Variants in RGS6 observed in about 807,000 individuals in gnomAD.
RGS6 encodes regulator of G protein signaling 6.
Under a neutral mutation model 78.5 loss-of-function variants are expected in RGS6, and 30 were observed. That is an observed-to-expected ratio of 0.38 (90% CI 0.29 to 0.52). The LOEUF (loss-of-function observed/expected upper bound fraction) is 0.52, where lower values mean the gene tolerates loss of function less well. Ranked by LOEUF, RGS6 falls within the 20% of genes least tolerant of loss-of-function variation. RGS6 has a pLI of 0.85. For missense variants in RGS6, 495 were observed against 609.7 expected, an observed-to-expected ratio of 0.81 and a Z score of 1.98; for synonymous variants, 206 against 206.0, an observed-to-expected ratio of 1.00 and a Z score of 0.00.
intron 1 of RGS6, among the ~76,000 whole-genome samples, chr14:71,954,648 C>T (rs900905204): frequency 7.2e-5 from 11 of 152,176 alleles, no homozygotes; most frequent in African/African-American, 2.2e-4. Flanking sequence ...TAGTCACCCT[C>T]TTGTGCTATC....
At position 72,313,725 on chromosome 14, in the gene RGS6, A is replaced by G. The variant is rs573248724; in HGVS notation, c.85-38370A>G. Among the ~76,000 whole-genome samples, 6 of 152,310 alleles carry G rather than the reference A, an allele frequency of 3.9e-5. No homozygotes were observed. In the East Asian group the frequency reaches 5.8e-4, roughly 15 times the overall value. ...AACTAACAGCATCATGATACATACA[A>G]AGGGGCTATGGTGTATGTGTGGCAG... On this transcript the variant is annotated intron_variant, in intron 2 of 17. Coordinates refer to ENST00000553525, the MANE Select transcript of RGS6 (RefSeq NM_001204424.2).
intron 2 of RGS6, among the ~76,000 whole-genome samples, chr14:72,051,363 G>T (rs2093228860): frequency 6.6e-6 from 1 of 152,058 alleles, no homozygotes; most frequent in South Asian, 2.1e-4. Context: ...AATGGTAGGG[G>T]TTAGAATCCA....
the RGS6 span, among the ~76,000 whole-genome samples, chr14:71,905,000 T>C: frequency 9.0e-6 from 1 of 111,064 alleles, no homozygotes; most frequent in Admixed American, 8.5e-5. Context: ...CTGGGCCACA[T>C]ACCACAAGGG....
At chr14:72,135,607 G>A (rs2096420650) in intron 2 of RGS6, among the ~76,000 whole-genome samples, 1 of 151,518 alleles carries the variant, frequency 6.6e-6, no homozygotes, top group African/African-American at 2.4e-5. Flanking sequence ...ATTCTGAGTA[G>A]CCTAATATTC....
chr14:72,199,615 G>T (rs2041016179), intron 2 of RGS6, among the ~76,000 whole-genome samples: 1 of 152,196 alleles, frequency 6.6e-6, no homozygotes, highest in Admixed American at 6.5e-5. Context: ...TACTTGGGAG[G>T]AACTTGGTGT....
At chr14:71,936,821 C>A (rs1316844260) in intron 1 of RGS6, among the ~76,000 whole-genome samples, 1 of 152,222 alleles carries the variant, frequency 6.6e-6, no homozygotes, top group Admixed American at 6.5e-5. Context: ...ATACTCTTGA[C>A]AATTACAGTC....
chr14:71,948,740 C>CTTTTTTTTT (rs71305831), intron 1 of RGS6, among the ~76,000 whole-genome samples: 3 of 65,170 alleles, frequency 4.6e-5, no homozygotes, highest in Middle Eastern at 0.016. Context: ...CTCTCTCTCT[C>CTTTTTTTTT]TTTTTTTTTT....
intron 2 of RGS6, among the ~76,000 whole-genome samples, chr14:72,052,983 TTCTCTCTCTCTCTCTCTCTC>T (rs372866325): frequency 4.1e-4 from 35 of 85,616 alleles, no homozygotes; most frequent in Non-Finnish European, 4.3e-4. Context: ...CTTTCTTTCT[TTCTCTCTCTCTCTCTCTCTC>T]TCTTTCTTTC....
At chr14:72,320,124 T>A (rs1325751711) in intron 2 of RGS6, among the ~76,000 whole-genome samples, 2 of 152,098 alleles carry the variant, frequency 1.3e-5, no homozygotes, top group Non-Finnish European at 2.9e-5. Context: ...ACAGCAACAT[T>A]CCAAGATTGC....
In RGS6 at chr14:72,400,770, C is replaced by T. The variant is rs558059097; in HGVS notation, c.184+48576C>T. On this transcript the variant is annotated intron_variant, in intron 3 of 17. Transcript: ENST00000553525. ...GATGATACTATAAATTCACTTCCGT[C>T]GCTGACAGCCCATCCTCCACCTACC... Among the ~76,000 whole-genome samples, 16 of 152,340 alleles carry T rather than the reference C, an allele frequency of 1.1e-4. No individual in the cohort carries two copies. In the East Asian group the frequency reaches 2.1e-3, roughly 20 times the overall value.
At chr14:72,238,109 A>AAGCTTGGCCG (rs2051645569) in intron 2 of RGS6, among the ~76,000 whole-genome samples, 1 of 151,956 alleles carries the variant, frequency 6.6e-6, no homozygotes, top group East Asian at 1.9e-4. Context: ...AAGGTGCTCT[A>AAGCTTGGCCG]TCTCTGAAGC....
At chr14:71,950,501 C>A (rs1270796610) in intron 1 of RGS6, among the ~76,000 whole-genome samples, 2 of 152,120 alleles carry the variant, frequency 1.3e-5, no homozygotes, top group Non-Finnish European at 2.9e-5. Flanking sequence ...CCATTCAGGA[C>A]ATAGGCACAG....
intron 2 of RGS6, among the ~76,000 whole-genome samples, chr14:72,041,006 C>T (rs142151679): frequency 5.7e-4 from 87 of 152,022 alleles, no homozygotes; most frequent in Middle Eastern, 3.4e-3. Context: ...GTCTGTACAC[C>T]CAGTTAACTC....
At chr14:71,949,714 C>T (rs1006373100) in intron 1 of RGS6, among the ~76,000 whole-genome samples, 1 of 150,946 alleles carries the variant, frequency 6.6e-6, no homozygotes, top group Non-Finnish European at 1.5e-5. Flanking sequence ...TTTCCTGTGC[C>T]TACTTAAGAA....
intron 3 of RGS6, among the ~76,000 whole-genome samples, chr14:72,396,250 CT>C (rs2091236031): frequency 6.6e-6 from 1 of 152,200 alleles, no homozygotes. Context: ...TGGATGGTAT[CT>C]CATTGTGGTT....
chr14:71,876,016 C>A, the RGS6 span, among the ~76,000 whole-genome samples: 4 of 152,000 alleles, frequency 2.6e-5, no homozygotes, highest in African/African-American at 9.7e-5. Flanking sequence ...GAGACAATTT[C>A]TTATAATTTC....
chr14:72,497,734 A>G (rs1322351015), intron 13 of RGS6, among the ~76,000 whole-genome samples: 1 of 152,166 alleles, frequency 6.6e-6, no homozygotes, highest in Non-Finnish European at 1.5e-5. Flanking sequence ...AAGAATAACT[A>G]GTATATAGTA....
rs974368303 is a variant in RGS6 at position 72,161,862 on chromosome 14, G to A, written c.85-190233G>A. On this transcript the variant is annotated intron_variant, in intron 2 of 17. Transcript: ENST00000553525. Reference sequence around the variant, plus strand: ...GTTGTCTTTTATATTGTATAATGGTGCTTCTATTTTCTTTGTTTTCTTCTT... The same window carrying A: ...GTTGTCTTTTATATTGTATAATGGTACTTCTATTTTCTTTGTTTTCTTCTT... 3.3e-5 allele frequency among the ~76,000 whole-genome samples: 5 copies of A among 152,338 alleles called. No homozygotes were observed. In the East Asian group the frequency reaches 9.6e-4, roughly 29 times the overall value.
At chr14:72,003,278 C>T (rs183536201) in intron 2 of RGS6, among the ~76,000 whole-genome samples, 64 of 152,304 alleles carry the variant, frequency 4.2e-4, no homozygotes, top group Non-Finnish European at 7.8e-4. Context: ...ACAATCCACC[C>T]ATGCAAAATT....
Sources: allele counts gnomAD v4.1 joint callset (sites outside exome capture counted in the v4.1 genomes callset), GRCh38; gene constraint gnomAD v4.1.1; transcripts MANE v1.5; gene names NCBI Gene and HGNC (gene_info 2026-07-23, HGNC 2026-07-21).